The following DCAF12 variants were observed in gnomAD, a reference collection of about 807,000 sequenced individuals.
DCAF12 encodes DDB1 and CUL4 associated factor 12, also known as DDB1- and CUL4-associated factor 12.
DCAF12 carries 28 observed loss-of-function variants against 52.8 expected under a neutral mutation model. The ratio of observed to expected loss-of-function variants is 0.53; its 90% CI spans 0.39 to 0.73. The LOEUF (loss-of-function observed/expected upper bound fraction) is 0.73, where lower values mean the gene tolerates loss of function less well. Among genes scored for constraint, DCAF12 ranks in the 30% least tolerant of loss-of-function variants. The probability of loss-of-function intolerance (pLI) is 0.00; values close to 1 mark genes in which losing one functional copy is unlikely to be tolerated. For missense variants in DCAF12, 425 were observed against 552.2 expected, an observed-to-expected ratio of 0.77 and a Z score of 2.31; for synonymous variants, 196 against 215.5, an observed-to-expected ratio of 0.91 and a Z score of 0.79.
chr9:34,115,388 G>A (rs968108472), intron 2 of DCAF12, among the ~76,000 whole-genome samples: 1 of 135,430 alleles, frequency 7.4e-6, no homozygotes, highest in Non-Finnish European at 1.6e-5. Context: ...TCAGGAGATC[G>A]AGACCATCCT....
chr9:34,106,340 G>C, intron 4 of DCAF12, 94 bp downstream of exon 4: 1 of 1,092,120 alleles, frequency 9.2e-7, no homozygotes, highest in Non-Finnish European at 1.3e-6. Flanking sequence ...ACTGAGCCCG[G>C]CTGGGCTGTT....
chr9:34,124,926 TA>T, intron 2 of DCAF12, 96 bp downstream of exon 2: 1 of 1,499,956 alleles, frequency 6.7e-7, no homozygotes, highest in Non-Finnish European at 9.0e-7. Context: ...AAGTCCCTCC[TA>T]AAAGAAACAG....
intron 8 of DCAF12, 28 bp downstream of exon 8, chr9:34,089,384 C>A: frequency 6.3e-7 from 1 of 1,596,292 alleles, no homozygotes. Context: ...TACTGTGTAG[C>A]AGTCATCTCA....
chr9:34,086,703 G>A lies in DCAF12; in HGVS notation c.*1647C>T, dbSNP rs1196398679. The A allele has an allele frequency of 6.6e-6, 1 of 152,192 alleles. No homozygotes were observed. The highest frequency in any genetic ancestry group is 2.4e-5 in the African/African-American group (1 of 41,442). 9.4% of individuals were successfully genotyped at this position (152,192 alleles called of 1,614,324 possible). A position where few individuals can be genotyped will look rare whatever the true frequency, so the allele number is the denominator to read the frequency against. On this transcript the variant is annotated 3_prime_UTR_variant, in exon 9 of 9. Transcript: ENST00000361264. Reference sequence around the variant, plus strand: ...CCTATTTCTCTAGGTTCGAAGATGAGAATTCCAGAACCTGTGGTATGTGCT... The same window carrying A: ...CCTATTTCTCTAGGTTCGAAGATGAAAATTCCAGAACCTGTGGTATGTGCT...
chr9:34,122,473 A>ATT (rs762013826), intron 2 of DCAF12, among the ~76,000 whole-genome samples: 24,039 of 127,516 alleles, frequency 0.19, 2,531 homozygotes, highest in Non-Finnish European at 0.22. Context: ...ATTAGTATCA[A>ATT]TTTTTTTTTT....
At chr9:34,088,628 T>A in intron 8 of DCAF12, 120 bp from the exon 9 acceptor site, 1 of 1,106,788 alleles carries the variant, frequency 9.0e-7, no homozygotes, top group Non-Finnish European at 1.3e-6. Context: ...AGGTACAACC[T>A]CATGTCAGGA....
At chr9:34,105,740 AT>A (rs1828894471) in intron 4 of DCAF12, among the ~76,000 whole-genome samples, 1 of 148,718 alleles carries the variant, frequency 6.7e-6, no homozygotes, top group African/African-American at 2.5e-5. Context: ...TATCTATCTT[AT>A]CTATCTATCC....
At chr9:34,114,674 C>G (rs1829056806) in intron 2 of DCAF12, among the ~76,000 whole-genome samples, 2 of 152,054 alleles carry the variant, frequency 1.3e-5, no homozygotes, top group South Asian at 4.1e-4. Context: ...AAGGTAAGCT[C>G]GAGGCTCGGG....
intron 2 of DCAF12, among the ~76,000 whole-genome samples, chr9:34,123,533 AAAAC>A (rs1222433098): frequency 2.0e-5 from 3 of 152,164 alleles, no homozygotes; most frequent in African/African-American, 4.8e-5. Context: ...AAGCTAAGCA[AAAAC>A]AAACAAATAC....
At position 34,098,444 on chromosome 9, in the gene DCAF12, ATT is replaced by A; in HGVS notation, c.673_674del (p.Asn225CysfsTer26). Reference protein sequence around the residue: ...DVLTKSDARHNVSRVPVYAHI... With the variant: ...DVLTKSDARHXVSRVPVYAHI... ...GTGCATACACAGGGACCCGTGACAC[ATT>A]GTGTCTCGCATCACTTTTGGTCAAA... On this transcript the variant is annotated frameshift_variant, in exon 5 of 9. Transcript: ENST00000361264. LOFTEE classifies it high-confidence loss of function. 1.9e-6 allele frequency: 3 copies of A among 1,614,160 alleles called. No individual in the cohort carries two copies. Among genetic ancestry groups the A allele is most frequent in the Non-Finnish European group, 2.5e-6 (3 of 1,180,016 alleles).
intron 2 of DCAF12, among the ~76,000 whole-genome samples, chr9:34,119,077 G>A (rs1829132765): frequency 6.6e-6 from 1 of 152,136 alleles, no homozygotes; most frequent in Non-Finnish European, 1.5e-5. Flanking sequence ...TTTGCCCATT[G>A]AGAATCAAGA....
At chr9:34,120,684 A>AG (rs1456270616) in intron 2 of DCAF12, among the ~76,000 whole-genome samples, 26 of 148,854 alleles carry the variant, frequency 1.7e-4, no homozygotes, top group South Asian at 4.2e-4. Context: ...AAAAAAAAAA[A>AG]AAAGAAAACA....
chr9:34,120,185 A>T (rs769309926), intron 2 of DCAF12, among the ~76,000 whole-genome samples: 3 of 144,822 alleles, frequency 2.1e-5, no homozygotes, highest in Non-Finnish European at 4.5e-5. Context: ...CCTGGGCAAC[A>T]AGAATGAAAG....
At chr9:34,123,815 G>C (rs1034701541) in intron 2 of DCAF12, among the ~76,000 whole-genome samples, 2 of 151,968 alleles carry the variant, frequency 1.3e-5, no homozygotes, top group Non-Finnish European at 2.9e-5. Context: ...TACTCCAAGT[G>C]ACAAGGATGA....
intron 4 of DCAF12, among the ~76,000 whole-genome samples, chr9:34,104,235 G>A (rs925575292): frequency 6.6e-6 from 1 of 151,674 alleles, no homozygotes; most frequent in African/African-American, 2.4e-5. Context: ...CAGCCTGGGC[G>A]ACAGAGCGAG....
chr9:34,120,075 C>T (rs2131443275), intron 2 of DCAF12, among the ~76,000 whole-genome samples: 1 of 151,458 alleles, frequency 6.6e-6, no homozygotes, highest in East Asian at 1.9e-4. Context: ...TGGTGGTGGG[C>T]GCCTATAATC....
chr9:34,089,641 ACTGT>A, intron 7 of DCAF12, 51 bp from the exon 8 acceptor site: 1 of 1,525,248 alleles, frequency 6.6e-7, no homozygotes, highest in Admixed American at 2.0e-5. Context: ...ATATTTGCTG[ACTGT>A]CTGCTAGCCT....
chr9:34,112,596 A>C (rs1829021782), intron 2 of DCAF12, among the ~76,000 whole-genome samples: 2 of 151,504 alleles, frequency 1.3e-5, no homozygotes, highest in South Asian at 4.2e-4. Context: ...TCCATCTCAA[A>C]AACAAAAAAT....
At chr9:34,088,564 GGGGA>G (rs766712379) in intron 8 of DCAF12, 56 bp from the exon 9 acceptor site, 82 of 1,592,512 alleles carry the variant, frequency 5.1e-5, no homozygotes, top group Non-Finnish European at 6.5e-5. Context: ...GCAGGAAAAG[GGGGA>G]GGAAGGGACA....
Sources: gnomAD v4.1 joint callset for allele counts (sites outside exome capture counted in the v4.1 genomes callset) on GRCh38, gnomAD v4.1.1 for gene constraint, MANE v1.5 for transcripts, NCBI Gene and HGNC (gene_info 2026-07-23, HGNC 2026-07-21) for gene names.